Variants in MRPL40 observed in about 807,000 individuals in gnomAD.
The protein encoded by MRPL40 is mitochondrial ribosomal protein L40.
MRPL40 carries 18 observed loss-of-function variants against 24.5 expected under a neutral mutation model. The ratio of observed to expected loss-of-function variants is 0.73; its 90% confidence interval spans 0.51 to 1.09. The LOEUF (loss-of-function observed/expected upper bound fraction) is 1.09, where lower values mean the gene tolerates loss of function less well. Ranked by LOEUF, MRPL40 falls within the 50% of genes least tolerant of loss-of-function variation. The probability of loss-of-function intolerance (pLI) is 0.00; values close to 1 mark genes in which losing one functional copy is unlikely to be tolerated. For missense variants in MRPL40, 256 were observed against 243.8 expected (o/e 1.05, Z -0.33); for synonymous variants, 108 against 94.6 (o/e 1.14, Z -0.82).
In MRPL40 at chr22:19,433,332, G is replaced by T; in HGVS notation, c.121G>T (p.Glu41Ter). 6.2e-7 allele frequency: 1 copy of T among 1,610,788 alleles called. No individual in the cohort carries two copies. The highest frequency in any genetic ancestry group is 1.1e-5 in the South Asian group (1 of 91,004). ...HQRASLLSFWELIPMRSEPLR... is the reference protein window; with the variant it reads ...HQRASLLSFW ...GCGAGCGTCATTGTTGTCTTTCTGG[G>T]AACTCATTCCCATGAGGTAAAACTC... Residue 41 changes from glutamate (E) to a stop codon, truncating the protein, a stop_gained, in exon 2 of 4, where the codon GAA (glutamate) becomes TAA (stop). Coordinates refer to ENST00000333130, the MANE Select transcript of MRPL40 (RefSeq NM_003776.4). LOFTEE classifies it high-confidence loss of function.
At chr22:19,435,031 C>A in intron 3 of MRPL40, 137 bp downstream of exon 3, 1 of 726,484 alleles carries the variant, frequency 1.4e-6, no homozygotes, top group Non-Finnish European at 2.3e-6. Context: ...TGAGTCCTTG[C>A]TCCTTTTGGA....
At chr22:19,433,690 A>G (rs991856128) in intron 2 of MRPL40, among the ~76,000 whole-genome samples, 1 of 152,148 alleles carries the variant, frequency 6.6e-6, no homozygotes, top group Admixed American at 6.5e-5. Context: ...TGCAAGTATT[A>G]AAGGTATTTC....
At chr22:19,435,556 G>T in intron 3 of MRPL40, 82 bp from the exon 4 acceptor site, 1 of 1,307,764 alleles carries the variant, frequency 7.6e-7, no homozygotes. Flanking sequence ...TCCTGTCTGT[G>T]TCTGGCAATG....
At chr22:19,432,937 TTTA>T in intron 1 of MRPL40, 1 of 1,114,612 alleles carries the variant, frequency 9.0e-7, no homozygotes, top group African/African-American at 1.6e-5. Context: ...CAGATATTTA[TTTA>T]TTTATTTGAG....
chr22:19,435,610 A>G (rs755750455), intron 3 of MRPL40, 28 bp from the exon 4 acceptor site: 5 of 1,581,426 alleles, frequency 3.2e-6, no homozygotes, highest in Non-Finnish European at 4.3e-6. Context: ...CATGCCAGTG[A>G]GATTGGTAAC....
intron 1 of MRPL40, 26 bp downstream of exon 1, chr22:19,432,633 C>G (rs1455386176): frequency 8.4e-6 from 13 of 1,542,338 alleles, no homozygotes; most frequent in Non-Finnish European, 1.0e-5. Flanking sequence ...GGCCGGATAG[C>G]GGAGTGCCCA....
At chr22:19,435,172 T>C (rs890199389) in intron 3 of MRPL40, among the ~76,000 whole-genome samples, 9 of 152,214 alleles carry the variant, frequency 5.9e-5, no homozygotes, top group African/African-American at 2.2e-4. Flanking sequence ...ATGAGGAGTC[T>C]TGGCTGTTTC....
At chr22:19,434,216 C>CT (rs35856980) in intron 2 of MRPL40, among the ~76,000 whole-genome samples, 5,332 of 85,210 alleles carry the variant, frequency 0.063, 296 homozygotes, top group South Asian at 0.13. Context: ...TGCTTTTGTA[C>CT]TTTTTTTTTT....
Position 19,434,771 on chromosome 22 carries a change from C to T in MRPL40, c.173C>T (p.Pro58Leu), listed in dbSNP as rs752699328. Reference sequence around the variant, plus strand: ...CTTCGAAAAAAGAAGAAGGTAGATCCTAAAAAAGACCAAGAAGCAAAGGAG... The same window carrying T: ...CTTCGAAAAAAGAAGAAGGTAGATCTTAAAAAAGACCAAGAAGCAAAGGAG... ...EPLRKKKKVDPKKDQEAKERL... is the reference protein window; with the variant it reads ...EPLRKKKKVDLKKDQEAKERL... Residue 58 changes from proline (P) to leucine (L), a missense_variant, in exon 3 of 4, where the codon CCT becomes CTT. Coordinates refer to ENST00000333130, the MANE Select transcript of MRPL40 (RefSeq NM_003776.4). 5.0e-6 allele frequency: 8 copies of T among 1,604,878 alleles called. No individual in the cohort carries two copies. The highest frequency in any genetic ancestry group is 6.8e-6 in the Non-Finnish European group (8 of 1,177,746).
chr22:19,433,342 C>G lies in MRPL40; in HGVS notation c.131C>G (p.Pro44Arg), dbSNP rs766252728. The change falls in exon 2 of 4, where the codon CCC becomes CGC. Residue 44 changes from proline to arginine, a missense_variant. Coordinates refer to ENST00000333130, the MANE Select transcript of MRPL40 (RefSeq NM_003776.4). ...ASLLSFWELIPMRSEPLRKKK... is the reference protein window; with the variant it reads ...ASLLSFWELIRMRSEPLRKKK... ...TTGTTGTCTTTCTGGGAACTCATTC[C>G]CATGAGGTAAAACTCAATCGAGGGC... is the stretch of plus-strand genomic sequence containing the variant. 6.2e-7 allele frequency: 1 copy of G among 1,605,220 alleles called. No individual in the cohort carries two copies. The highest frequency in any genetic ancestry group is 2.2e-5 in the East Asian group (1 of 44,808).
rs745490110 is a variant in MRPL40 at position 19,434,835 on chromosome 22, T to A, written c.237T>A (p.Thr79=). The A allele has an allele frequency of 1.2e-6, 2 of 1,611,528 alleles. No homozygotes were observed. Among genetic ancestry groups the A allele is most frequent in the Non-Finnish European group, 1.7e-6 (2 of 1,179,408 alleles). ...KRKIRKLEKA[T]QELIPIEDFI... is the part of the protein sequence containing the mutation. The stretch of plus-strand genomic sequence containing the variant: ...AGATCCGAAAACTGGAAAAGGCTAC[T>A]CAAGAGCTAATTCCTATTGAAGATT... Residue 79 remains threonine, a synonymous_variant, in exon 3 of 4, where the codon ACT becomes ACA. Transcript: ENST00000333130.
chr22:19,432,560 G>C lies in MRPL40; in HGVS notation c.6G>C (p.Thr2=), dbSNP rs761307490. Reference sequence around the variant, plus strand: ...CGGAAGCGGCGAGGGTAGCCATGACGGCCTCCGTGCTGCGAAGTATCTCGC... The same window carrying C: ...CGGAAGCGGCGAGGGTAGCCATGACCGCCTCCGTGCTGCGAAGTATCTCGC... M[T]ASVLRSISLA... The change falls in exon 1 of 4, where the codon ACG becomes ACC. Residue 2 remains threonine (T), a synonymous_variant. Coordinates refer to ENST00000333130, the MANE Select transcript of MRPL40 (RefSeq NM_003776.4). 4 of 1,549,878 alleles carry C rather than the reference G, an allele frequency of 2.6e-6. No individual in the cohort carries two copies. In the South Asian group the frequency reaches 4.8e-5, roughly 19 times the overall value.
rs1203583557 is a variant in MRPL40, at chr22:19,434,904, C to T, written c.296+10C>T. The T allele has an allele frequency of 6.3e-7, 1 of 1,579,612 alleles. No individual in the cohort carries two copies. Among genetic ancestry groups the T allele is most frequent in the Non-Finnish European group, 8.6e-7 (1 of 1,168,782 alleles). On this transcript the variant is annotated intron_variant, in intron 3 of 3. Coordinates refer to ENST00000333130, the MANE Select transcript of MRPL40 (RefSeq NM_003776.4). ...TCTTGGATAAAGCAAGGTAAGGATC[C>T]TTCTCTAGGGATGAAGTCCTCAGGA...
chr22:19,433,172 G>T lies in MRPL40; in HGVS notation c.54-93G>T, dbSNP rs187708542. 2.0e-3 allele frequency: 1,559 copies of T among 798,592 alleles called. 2 individuals carry two copies. Among genetic ancestry groups the T allele is most frequent in the Non-Finnish European group, 2.9e-3 (1,373 of 470,630 alleles). The allele number at this position is 798,592 out of a possible 1,614,324, so 49.5% of individuals were successfully genotyped here. A position where few individuals can be genotyped will look rare whatever the true frequency, so the allele number is the denominator to read the frequency against. On this transcript the variant is annotated intron_variant, in intron 1 of 3. Transcript: ENST00000333130. ...GAACTCCTGACCTCGCGATCCACCCGCCTCGGCCTCCCAAAGTGCTGGGAT... is the reference window on the plus strand; with the variant it reads ...GAACTCCTGACCTCGCGATCCACCCTCCTCGGCCTCCCAAAGTGCTGGGAT...
At position 19,432,578 on chromosome 22, in the gene MRPL40, T is replaced by C; in HGVS notation, c.24T>C (p.Ser8=). 6.4e-7 allele frequency: 1 copy of C among 1,553,998 alleles called. No homozygotes were observed. Among genetic ancestry groups the C allele is most frequent in the Non-Finnish European group, 8.7e-7 (1 of 1,150,278 alleles). Reference sequence around the variant, plus strand: ...CCATGACGGCCTCCGTGCTGCGAAGTATCTCGCTAGCCCTGCGCCCGACTA... The same window carrying C: ...CCATGACGGCCTCCGTGCTGCGAAGCATCTCGCTAGCCCTGCGCCCGACTA... The part of the protein sequence containing the change: MTASVLR[S]ISLALRPTSG... Residue 8 remains serine, a synonymous_variant, in exon 1 of 4, where the codon AGT becomes AGC. Transcript: ENST00000333130.
Position 19,435,743 on chromosome 22 carries a change from C to G in MRPL40, c.402C>G (p.Asp134Glu), listed in dbSNP as rs771082920. The G allele has an allele frequency of 3.5e-5, 57 of 1,614,034 alleles. No homozygotes were observed. In the South Asian group the frequency reaches 5.4e-4, roughly 15 times the overall value. ...AGCAAGAGCGTAAGATGGAGAGGGACACCATCAGGGCTATGCTAGAAGCCC... is the reference window on the plus strand; with the variant it reads ...AGCAAGAGCGTAAGATGGAGAGGGAGACCATCAGGGCTATGCTAGAAGCCC... The part of the protein sequence containing the change: ...YKQQERKMER[D>E]TIRAMLEAQQ... Residue 134 changes from aspartate to glutamate, a missense_variant, in exon 4 of 4, where the codon GAC (aspartate) becomes GAG (glutamate). Physicochemically the swap from Asp to Glu is conservative, Grantham distance 45. Coordinates refer to ENST00000333130, the MANE Select transcript of MRPL40 (RefSeq NM_003776.4).
intron 2 of MRPL40, 49 bp from the exon 3 acceptor site, chr22:19,434,687 G>A (rs770091823): frequency 6.7e-7 from 1 of 1,482,254 alleles, no homozygotes; most frequent in Non-Finnish European, 9.1e-7. Flanking sequence ...CTCTCAGTAG[G>A]TTCATGAGAC....
At chr22:19,433,002 T>C in intron 1 of MRPL40, 1 of 664,822 alleles carries the variant, frequency 1.5e-6, no homozygotes, top group Non-Finnish European at 2.2e-6. Flanking sequence ...CGATTTCGGC[T>C]CACTGCAACC....
chr22:19,434,463 T>C (rs2089573541), intron 2 of MRPL40, among the ~76,000 whole-genome samples: 1 of 151,694 alleles, frequency 6.6e-6, no homozygotes, highest in Non-Finnish European at 1.5e-5. Context: ...CCTTGGGCAA[T>C]CTGCCCGCCT....
Sources: allele counts gnomAD v4.1 joint callset (sites outside exome capture counted in the v4.1 genomes callset), GRCh38; gene constraint gnomAD v4.1.1; transcripts MANE v1.5; gene names NCBI Gene and HGNC (gene_info 2026-07-23, HGNC 2026-07-21).